The following AAK1 variants were observed in gnomAD, a reference collection of about 807,000 sequenced individuals.
AAK1 encodes the protein AP2 associated kinase 1.
AAK1 carries 37 observed loss-of-function variants against 116.0 expected under a neutral mutation model. That is an observed-to-expected ratio of 0.32 (90% confidence interval 0.25 to 0.42). The LOEUF is 0.42. Ranked by LOEUF, AAK1 falls within the 10% of genes least tolerant of loss-of-function variation. The pLI is 1.00. For synonymous variants in AAK1, 458 were observed against 439.9 expected (o/e 1.04, Z -0.51); for missense variants, 919 against 1,170.6 (o/e 0.79, Z 3.14).
intron 8 of AAK1, 125 bp from the exon 9 acceptor site, chr2:69,527,444 C>A: frequency 1.5e-6 from 1 of 658,494 alleles, no homozygotes; most frequent in Non-Finnish European, 2.7e-6. Flanking sequence ...AGAAGTCAGA[C>A]AGTATAATTA....
intron 2 of AAK1, among the ~76,000 whole-genome samples, chr2:69,628,666 T>C (rs1163186514): frequency 6.6e-6 from 1 of 152,158 alleles, no homozygotes; most frequent in Non-Finnish European, 1.5e-5. Context: ...AAATAACCCA[T>C]TTGATGTTAT....
chr2:69,643,223 T>G lies in AAK1; in HGVS notation c.-183A>C. The G allele has an allele frequency of 7.1e-7, 1 of 1,409,138 alleles. No homozygotes were observed. The highest frequency in any genetic ancestry group is 9.2e-7 in the Non-Finnish European group (1 of 1,089,420). The allele number at this position is 1,409,138 out of a possible 1,614,324, so 87.3% of individuals were successfully genotyped here. On this transcript the variant is annotated 5_prime_UTR_variant, in exon 2 of 22. Transcript: ENST00000409085. ...ATGCCTATAGGAATATGCGTGTCAA[T>G]CGCGCAGCGGGTCCCCTCCTCCTCC...
At chr2:69,634,554 C>T (rs1675365807) in intron 2 of AAK1, among the ~76,000 whole-genome samples, 1 of 152,230 alleles carries the variant, frequency 6.6e-6, no homozygotes, top group African/African-American at 2.4e-5. Context: ...GAAGACTCGG[C>T]TCCTGTCCTG....
Position 69,469,515 on chromosome 2 carries a change from A to G in AAK1, c.*6354T>C, listed in dbSNP as rs950734807. 16 of 985,472 alleles carry G rather than the reference A, an allele frequency of 1.6e-5. No homozygotes were observed. Among genetic ancestry groups the G allele is most frequent in the Non-Finnish European group, 1.9e-5 (16 of 829,942 alleles). The allele number at this position is 985,472 out of a possible 1,614,324, so 61.0% of individuals were successfully genotyped here. A position where few individuals can be genotyped will look rare whatever the true frequency, so the allele number is the denominator to read the frequency against. On this transcript the variant is annotated 3_prime_UTR_variant, in exon 22 of 22. Coordinates refer to ENST00000409085, the MANE Select transcript of AAK1 (RefSeq NM_014911.5). ...TGTTTGAAGCAGTCTCTTTACTAGC[A>G]TTGAAGGATTTATACTAACCTAACC...
intron 3 of AAK1, among the ~76,000 whole-genome samples, 199 bp from the exon 4 acceptor site, chr2:69,544,743 C>T (rs1165685043): frequency 1.3e-5 from 2 of 152,160 alleles, no homozygotes; most frequent in Non-Finnish European, 2.9e-5. Flanking sequence ...AATTCCATAA[C>T]CCTACTAAAC....
At chr2:69,493,158 CA>C (rs574490585) in intron 17 of AAK1, among the ~76,000 whole-genome samples, 566 of 37,554 alleles carry the variant, frequency 0.015, 50 homozygotes, top group Admixed American at 0.032. Flanking sequence ...GACTCCGTCT[CA>C]AAAAAAAAAA....
intron 2 of AAK1, among the ~76,000 whole-genome samples, chr2:69,595,807 T>C (rs2105181314): frequency 1.3e-5 from 2 of 152,338 alleles, no homozygotes; most frequent in East Asian, 1.9e-4. Flanking sequence ...AAGACTTTCA[T>C]AGCTAGAGAG....
chr2:69,505,763 AC>A, intron 15 of AAK1, 90 bp from the exon 16 acceptor site: 1 of 901,358 alleles, frequency 1.1e-6, no homozygotes, highest in Non-Finnish European at 1.7e-6. Context: ...CTCTGAACTG[AC>A]TTCTGGACTT....
intron 13 of AAK1, among the ~76,000 whole-genome samples, chr2:69,510,169 A>T (rs529462845): frequency 6.6e-6 from 1 of 152,154 alleles, no homozygotes; most frequent in African/African-American, 2.4e-5. Flanking sequence ...AGTACACAAG[A>T]GTTATTTTTT....
intron 2 of AAK1, among the ~76,000 whole-genome samples, chr2:69,571,481 C>G (rs139299745): frequency 2.6e-5 from 4 of 152,328 alleles, no homozygotes; most frequent in African/African-American, 9.6e-5. Flanking sequence ...CCAATACACT[C>G]CTTTTTACTT....
intron 10 of AAK1, 73 bp downstream of exon 10, chr2:69,524,960 A>G (rs977429047): frequency 2.1e-6 from 3 of 1,426,472 alleles, no homozygotes; most frequent in Non-Finnish European, 3.0e-6. Flanking sequence ...CATAAGAATC[A>G]AGAAACACAG....
intron 2 of AAK1, among the ~76,000 whole-genome samples, chr2:69,577,836 C>A (rs1572973899): frequency 6.6e-6 from 1 of 152,138 alleles, no homozygotes; most frequent in South Asian, 2.1e-4. Flanking sequence ...TGGGGGCTAG[C>A]GCTGTAGGTT....
chr2:69,482,908 G>C (rs1390940706), intron 17 of AAK1, 96 bp from the exon 18 acceptor site: 4 of 717,832 alleles, frequency 5.6e-6, no homozygotes, highest in Non-Finnish European at 9.6e-6. Flanking sequence ...ACATTTTAGG[G>C]GTCAATATTT....
rs1020443331 is a variant in AAK1 at position 69,474,503 on chromosome 2, A to C, written c.*1366T>G. 4.1e-6 allele frequency: 4 copies of C among 984,730 alleles called. No individual in the cohort carries two copies. In the African/African-American group the frequency reaches 7.0e-5, roughly 17 times the overall value. The allele number at this position is 984,730 out of a possible 1,614,324, so 61.0% of individuals were successfully genotyped here. On this transcript the variant is annotated 3_prime_UTR_variant, in exon 22 of 22. Coordinates refer to ENST00000409085, the MANE Select transcript of AAK1 (RefSeq NM_014911.5). ...GGGGCCTTTATTTATTTTATGAACA[A>C]TATCCTAAAGTTAATAAAGAACTAT...
chr2:69,620,192 G>A (rs1009448642), intron 2 of AAK1, among the ~76,000 whole-genome samples: 2 of 152,188 alleles, frequency 1.3e-5, no homozygotes, highest in African/African-American at 4.8e-5. Context: ...TGAATATAGA[G>A]CAAACAGGAT....
intron 2 of AAK1, among the ~76,000 whole-genome samples, chr2:69,640,372 G>C (rs972561232): frequency 6.6e-6 from 1 of 152,168 alleles, no homozygotes; most frequent in Non-Finnish European, 1.5e-5. Context: ...AGAGATTCAA[G>C]AGTGGTTTGG....
chr2:69,565,732 T>C (rs964391598), intron 2 of AAK1, among the ~76,000 whole-genome samples: 6 of 152,180 alleles, frequency 3.9e-5, no homozygotes, highest in Non-Finnish European at 5.9e-5. Flanking sequence ...AGAGCTTGGG[T>C]GTACCATTCA....
At chr2:69,615,189 T>C (rs1251657567) in intron 2 of AAK1, among the ~76,000 whole-genome samples, 1 of 152,166 alleles carries the variant, frequency 6.6e-6, no homozygotes, top group East Asian at 1.9e-4. Flanking sequence ...TGCATGCCCA[T>C]TGGTGCTGTC....
At chr2:69,643,384 A>AT (rs1169180985) in intron 1 of AAK1, 110 bp from the exon 2 acceptor site, 48 of 1,181,810 alleles carry the variant, frequency 4.1e-5, no homozygotes, top group Non-Finnish European at 4.8e-5. Context: ...CGCTTCATGT[A>AT]TTTTCCCGGC....
Sources: allele counts gnomAD v4.1 joint callset (sites outside exome capture counted in the v4.1 genomes callset), GRCh38; gene constraint gnomAD v4.1.1; transcripts MANE v1.5; gene names NCBI Gene and HGNC (gene_info 2026-07-23, HGNC 2026-07-21).